Variants in GATB observed in about 807,000 individuals in gnomAD.
The protein encoded by GATB is glutamyl-tRNA amidotransferase subunit B, also known as glutamyl-tRNA(Gln) amidotransferase subunit B, mitochondrial.
GATB carries 39 observed loss-of-function variants against 62.3 expected under a neutral mutation model. That is an observed-to-expected ratio of 0.63 (90% CI 0.48 to 0.82). GATB has a LOEUF of 0.82. Among genes scored for constraint, GATB ranks in the 40% least tolerant of loss-of-function variants. The pLI is 0.00. For synonymous variants in GATB, 276 were observed against 258.9 expected (o/e 1.07, Z -0.63); for missense variants, 670 against 684.0 (o/e 0.98, Z 0.23).
chr4:151,702,882 G>T (rs1336109001), intron 8 of GATB, among the ~76,000 whole-genome samples: 3 of 152,188 alleles, frequency 2.0e-5, no homozygotes, highest in East Asian at 3.9e-4. Flanking sequence ...CTCACTGCCA[G>T]ATCTCTTCTG....
chr4:151,713,298 A>C (rs928881233), intron 5 of GATB, among the ~76,000 whole-genome samples: 1 of 152,176 alleles, frequency 6.6e-6, no homozygotes, highest in Non-Finnish European at 1.5e-5. Context: ...AATGCACTTG[A>C]ATCATCCTGA....
At chr4:151,688,134 G>A (rs563147765) in intron 10 of GATB, among the ~76,000 whole-genome samples, 4 of 152,200 alleles carry the variant, frequency 2.6e-5, no homozygotes, top group Admixed American at 2.6e-4. Flanking sequence ...TCTGAGCTTC[G>A]CACTCTGCTT....
At chr4:151,732,375 G>A (rs1280203674) in intron 2 of GATB, among the ~76,000 whole-genome samples, 4 of 152,178 alleles carry the variant, frequency 2.6e-5, no homozygotes, top group Non-Finnish European at 1.5e-5. Flanking sequence ...TTCTGTACTG[G>A]GAGAGGTTCT....
At chr4:151,717,309 C>T (rs898361223) in intron 3 of GATB, 11 of 533,622 alleles carry the variant, frequency 2.1e-5, no homozygotes, top group South Asian at 4.2e-5. Flanking sequence ...CCCCTGATAA[C>T]GATGCAATAA....
intron 10 of GATB, among the ~76,000 whole-genome samples, chr4:151,686,494 G>A (rs1738248140): frequency 6.6e-6 from 1 of 151,900 alleles, no homozygotes; most frequent in Non-Finnish European, 1.5e-5. Context: ...CACCCAGCCT[G>A]GGCTCCCCCT....
At chr4:151,699,131 T>A (rs746715668) in intron 9 of GATB, among the ~76,000 whole-genome samples, 1 of 152,190 alleles carries the variant, frequency 6.6e-6, no homozygotes, top group Non-Finnish European at 1.5e-5. Flanking sequence ...GGCTCACACC[T>A]GTAATCCCAG....
chr4:151,745,100 A>G (rs1739569821), intron 2 of GATB, among the ~76,000 whole-genome samples: 1 of 152,246 alleles, frequency 6.6e-6, no homozygotes, highest in Non-Finnish European at 1.5e-5. Context: ...AATCTTTCAG[A>G]TTACATTAAA....
intron 5 of GATB, 40 bp from the exon 6 acceptor site, chr4:151,708,141 G>T: frequency 7.4e-7 from 1 of 1,358,864 alleles, no homozygotes; most frequent in Non-Finnish European, 1.1e-6. Context: ...GAAATTCTTT[G>T]AGGTGACATA....
intron 2 of GATB, among the ~76,000 whole-genome samples, chr4:151,734,567 T>A (rs1739331857): frequency 6.6e-6 from 1 of 151,862 alleles, no homozygotes; most frequent in Non-Finnish European, 1.5e-5. Flanking sequence ...AATACCACCA[T>A]CATTCGTCAC....
chr4:151,706,316 GAGA>G (rs1738714188), intron 6 of GATB, among the ~76,000 whole-genome samples: 1 of 152,230 alleles, frequency 6.6e-6, no homozygotes, highest in Non-Finnish European at 1.5e-5. Flanking sequence ...CATAGGACAG[GAGA>G]AGGTTAGGGG....
chr4:151,754,380 TG>T (rs1739780805), intron 2 of GATB, among the ~76,000 whole-genome samples: 1 of 152,240 alleles, frequency 6.6e-6, no homozygotes, highest in Non-Finnish European at 1.5e-5. Context: ...TCTTCCTATG[TG>T]CTCCTCAAGC....
chr4:151,758,936 G>GTT lies in GATB; in HGVS notation c.177-15_177-14insAA. On this transcript the variant is annotated splice_polypyrimidine_tract_variant and intron_variant, in intron 1 of 12. Transcript: ENST00000263985. Reference sequence around the variant, plus strand: ...CATTTGTGTTCACTAAGAAGAAAGAGATAATGGTTAAGATGTATTATATTT... The same window carrying GTT: ...CATTTGTGTTCACTAAGAAGAAAGAGTTATAATGGTTAAGATGTATTATATTT... The GTT allele has an allele frequency of 1.9e-6, 3 of 1,581,906 alleles. No homozygotes were observed. Among genetic ancestry groups the GTT allele is most frequent in the Non-Finnish European group, 2.6e-6 (3 of 1,162,828 alleles).
chr4:151,748,543 TA>T (rs773978112), intron 2 of GATB, among the ~76,000 whole-genome samples: 1 of 152,036 alleles, frequency 6.6e-6, no homozygotes, highest in Non-Finnish European at 1.5e-5. Flanking sequence ...ATGTTAGACC[TA>T]AAACCATAAA....
At chr4:151,757,009 A>G (rs1739845447) in intron 2 of GATB, among the ~76,000 whole-genome samples, 1 of 152,210 alleles carries the variant, frequency 6.6e-6, no homozygotes, top group Non-Finnish European at 1.5e-5. Context: ...AATGTTTTGA[A>G]TCTGGAAGGG....
intron 2 of GATB, among the ~76,000 whole-genome samples, chr4:151,757,804 G>A (rs1739866264): frequency 6.6e-6 from 1 of 152,114 alleles, no homozygotes; most frequent in African/African-American, 2.4e-5. Context: ...TTATTTAAAT[G>A]TTTGAGAGCA....
rs914137601 is a variant in GATB, at chr4:151,732,848, A to G, written c.328-13310T>C. On this transcript the variant is annotated intron_variant, in intron 2 of 12. Coordinates refer to ENST00000263985, the MANE Select transcript of GATB (RefSeq NM_004564.3). ...AGATGCTAAAATTATATTAAAAACT[A>G]TGTAGAAATAAAAAGATAAATATTA... 5.3e-5 allele frequency among the ~76,000 whole-genome samples: 8 copies of G among 151,872 alleles called. No individual in the cohort carries two copies. The East Asian group carries it at 1.5e-3, about 29-fold the overall frequency.
At chr4:151,677,434 G>C (rs1245190487) in intron 11 of GATB, 1 of 151,980 alleles carries the variant, frequency 6.6e-6, no homozygotes, top group African/African-American at 2.4e-5. Flanking sequence ...ACTAACAGGT[G>C]AGACTGTAAG....
At chr4:151,742,233 C>T (rs1376119329) in intron 2 of GATB, among the ~76,000 whole-genome samples, 6 of 152,078 alleles carry the variant, frequency 3.9e-5, no homozygotes, top group East Asian at 1.9e-4. Flanking sequence ...GGACTACAGG[C>T]GCCCGCCATC....
intron 2 of GATB, among the ~76,000 whole-genome samples, chr4:151,743,344 T>C (rs553750904): frequency 6.6e-6 from 1 of 152,286 alleles, no homozygotes; most frequent in South Asian, 2.1e-4. Flanking sequence ...GTCTTTGCTC[T>C]CTCCCTAGGT....
Sources: gnomAD v4.1 joint callset for allele counts (sites outside exome capture counted in the v4.1 genomes callset) on GRCh38, gnomAD v4.1.1 for gene constraint, MANE v1.5 for transcripts, NCBI Gene and HGNC (gene_info 2026-07-23, HGNC 2026-07-21) for gene names.